USP54: variants seen among roughly 807,000 people sequenced by gnomAD.
USP54 encodes ubiquitin carboxyl-terminal hydrolase 54.
A neutral mutation model predicts 170.5 loss-of-function variants in USP54; 87 were observed. The ratio of observed to expected loss-of-function variants is 0.51; its 90% CI spans 0.43 to 0.61. USP54 has a LOEUF of 0.61. USP54 is among the 20% of genes least tolerant of loss of function. The probability of loss-of-function intolerance (pLI) is 0.00; values close to 1 mark genes in which losing one functional copy is unlikely to be tolerated. For synonymous variants in USP54, 655 were observed against 742.8 expected (o/e 0.88, Z 1.92); for missense variants, 1,786 against 2,047.8 (o/e 0.87, Z 2.47).
intron 11 of USP54, 94 bp from the exon 12 acceptor site, chr10:73,534,864 G>T: frequency 8.2e-7 from 1 of 1,215,492 alleles, no homozygotes; most frequent in Non-Finnish European, 1.2e-6. Flanking sequence ...GCTCCATAAG[G>T]CAAGAACTTC....
intron 4 of USP54, among the ~76,000 whole-genome samples, chr10:73,559,559 TA>T (rs574245246): frequency 0.07 from 7,486 of 106,224 alleles, 240 homozygotes; most frequent in South Asian, 0.15. Flanking sequence ...AAACTCCACC[TA>T]AAAAAAAAAA....
intron 18 of USP54, chr10:73,520,220 A>C: frequency 1.7e-6 from 1 of 586,638 alleles, no homozygotes; most frequent in Non-Finnish European, 2.9e-6. Flanking sequence ...CAAATTAAAA[A>C]AACAAAACTA....
At chr10:73,600,687 G>T (rs996729321) in intron 1 of USP54, among the ~76,000 whole-genome samples, 2 of 152,204 alleles carry the variant, frequency 1.3e-5, no homozygotes, top group African/African-American at 4.8e-5. Flanking sequence ...GCTGAGGCAG[G>T]CGGATCACCT....
intron 1 of USP54, among the ~76,000 whole-genome samples, chr10:73,625,408 C>T (rs2081449060): frequency 6.6e-6 from 1 of 152,108 alleles, no homozygotes; most frequent in African/African-American, 2.4e-5. Context: ...CCACCATTCC[C>T]GCCACGGCCA....
intron 23 of USP54, 26 bp downstream of exon 23, chr10:73,500,629 T>C: frequency 6.4e-7 from 1 of 1,566,982 alleles, no homozygotes; most frequent in Non-Finnish European, 8.6e-7. Context: ...AATTCTGGCA[T>C]ATAATATTAG....
intron 4 of USP54, among the ~76,000 whole-genome samples, chr10:73,559,512 A>G (rs913947571): frequency 2.0e-5 from 3 of 150,102 alleles, no homozygotes; most frequent in Non-Finnish European, 4.4e-5. Context: ...ATGAGCCTAG[A>G]TTGCGCCATT....
chr10:73,538,656 T>A (rs990502307), intron 10 of USP54, among the ~76,000 whole-genome samples: 2 of 151,666 alleles, frequency 1.3e-5, no homozygotes, highest in Non-Finnish European at 2.9e-5. Flanking sequence ...AAACAAAAAA[T>A]TTTAACTAGC....
intron 10 of USP54, among the ~76,000 whole-genome samples, chr10:73,539,070 G>A (rs867340344): frequency 2.6e-5 from 4 of 151,918 alleles, no homozygotes; most frequent in Non-Finnish European, 4.4e-5. Flanking sequence ...CACAAGGTCA[G>A]GAGTTCGAGA....
intron 20 of USP54, among the ~76,000 whole-genome samples, chr10:73,509,034 T>C (rs1589857212): frequency 7.7e-6 from 1 of 129,152 alleles, no homozygotes; most frequent in African/African-American, 3.0e-5. Context: ...ATGTGTGAAA[T>C]GTTAAAAGAC....
At chr10:73,556,641 G>A (rs1320662643) in intron 4 of USP54, among the ~76,000 whole-genome samples, 1 of 152,098 alleles carries the variant, frequency 6.6e-6, no homozygotes, top group Non-Finnish European at 1.5e-5. Context: ...ACCGCGCCCG[G>A]GCTGAGTAAT....
chr10:73,516,933 GGGAAGAGTTCTTCC>G lies in USP54; in HGVS notation c.3479_3492del (p.Arg1160ThrfsTer3). ...GAGAAAGGAGGCTTAGAATCAGAAG[GGGAAGAGTTCTTCC>G]TTAGACTACCTGACAAACTTCTATC... On this transcript the variant is annotated frameshift_variant, in exon 20 of 24. Transcript: ENST00000687698. LOFTEE classifies it high-confidence loss of function. 1 of 1,614,184 alleles carries G rather than the reference GGGAAGAGTTCTTCC, an allele frequency of 6.2e-7. No individual in the cohort carries two copies. The highest frequency in any genetic ancestry group is 8.5e-7 in the Non-Finnish European group (1 of 1,180,040).
intron 1 of USP54, among the ~76,000 whole-genome samples, chr10:73,606,175 CAAAAAAAAAAAAA>C (rs1178699732): frequency 3.5e-4 from 9 of 25,592 alleles, no homozygotes; most frequent in Admixed American, 1.5e-3. Context: ...GAGGCTGTCT[CAAAAAAAAAAAAA>C]AAAAAAAAAA....
At chr10:73,531,657 A>G (rs1025727349) in intron 12 of USP54, among the ~76,000 whole-genome samples, 3 of 152,154 alleles carry the variant, frequency 2.0e-5, no homozygotes, top group Admixed American at 2.0e-4. Flanking sequence ...TTAATTGTGG[A>G]TCATTTAAAG....
intron 1 of USP54, among the ~76,000 whole-genome samples, chr10:73,619,544 AAAAG>A (rs2080922517): frequency 6.7e-6 from 1 of 149,820 alleles, no homozygotes; most frequent in South Asian, 2.1e-4. Context: ...AAAAAAAAAA[AAAAG>A]AAAGAAAAAA....
At chr10:73,509,975 A>G (rs1436613230) in intron 20 of USP54, among the ~76,000 whole-genome samples, 1 of 152,154 alleles carries the variant, frequency 6.6e-6, no homozygotes, top group African/African-American at 2.4e-5. Flanking sequence ...GCAACAAAGC[A>G]AGACCTTGTC....
chr10:73,605,135 A>G (rs2132283405), intron 1 of USP54, among the ~76,000 whole-genome samples: 1 of 152,290 alleles, frequency 6.6e-6, no homozygotes, highest in South Asian at 2.1e-4. Flanking sequence ...TCCTCTAGCT[A>G]GACAGAAAAG....
At chr10:73,613,912 T>C (rs547773182) in intron 1 of USP54, 3 of 145,586 alleles carry the variant, frequency 2.1e-5, no homozygotes, top group African/African-American at 7.6e-5. Flanking sequence ...GAAGAAAAAA[T>C]TATAGTTAGC....
At chr10:73,499,799 C>T (rs1437855475) in intron 23 of USP54, 1 of 152,448 alleles carries the variant, frequency 6.6e-6, no homozygotes, top group Non-Finnish European at 1.5e-5. Context: ...ATGTGGAATG[C>T]CTTTTCTTAT....
chr10:73,575,807 A>G lies in USP54; in HGVS notation c.-27T>C. On this transcript the variant is annotated 5_prime_UTR_variant, in exon 2 of 24. Transcript: ENST00000687698. ...ATTTTGACTTTACCACCTTCCAAAT[A>G]TCATCTGTGTAGTCAAGGGACTCAG... The G allele has an allele frequency of 1.0e-6, 1 of 963,952 alleles. No individual in the cohort carries two copies. Among genetic ancestry groups the G allele is most frequent in the Non-Finnish European group, 1.5e-6 (1 of 672,442 alleles). 59.7% of individuals were successfully genotyped at this position (963,952 alleles called of 1,614,324 possible). A position where few individuals can be genotyped will look rare whatever the true frequency, so the allele number is the denominator to read the frequency against.
Sources: allele counts gnomAD v4.1 joint callset (sites outside exome capture counted in the v4.1 genomes callset), GRCh38; gene constraint gnomAD v4.1.1; transcripts MANE v1.5; gene names NCBI Gene and HGNC (gene_info 2026-07-23, HGNC 2026-07-21).